KIAA1217: variants seen among roughly 807,000 people sequenced by gnomAD.
KIAA1217 encodes the protein sickle tail protein homolog.
KIAA1217 carries 88 observed loss-of-function variants against 163.9 expected under a neutral mutation model. The ratio of observed to expected loss-of-function variants is 0.54; its 90% CI spans 0.45 to 0.64. KIAA1217 has a LOEUF of 0.64. KIAA1217 is among the 30% of genes least tolerant of loss of function. The pLI is 0.00. For missense variants in KIAA1217, 2,372 were observed against 2,475.0 expected, an observed-to-expected ratio of 0.96 and a Z score of 0.88; for synonymous variants, 903 against 923.1, an observed-to-expected ratio of 0.98 and a Z score of 0.39.
intron 9 of KIAA1217, among the ~76,000 whole-genome samples, chr10:24,503,932 A>G (rs1478131022): frequency 3.3e-5 from 5 of 152,206 alleles, no homozygotes; most frequent in East Asian, 1.9e-4. Flanking sequence ...AAAAGTGAGC[A>G]TTTGTTGGTT....
chr10:24,420,043 T>C (rs2058604717), intron 3 of KIAA1217, among the ~76,000 whole-genome samples: 1 of 151,986 alleles, frequency 6.6e-6, no homozygotes, highest in Admixed American at 6.6e-5. Flanking sequence ...ATGGAACAAG[T>C]GTCCACATGT....
intron 1 of KIAA1217, among the ~76,000 whole-genome samples, chr10:23,805,719 A>G (rs1297490284): frequency 6.6e-6 from 1 of 152,138 alleles, no homozygotes; most frequent in Non-Finnish European, 1.5e-5. Context: ...CACTAACTAT[A>G]AAAGAAAAAT....
chr10:24,217,164 C>T (rs1400480312), intron 1 of KIAA1217, among the ~76,000 whole-genome samples: 1 of 150,718 alleles, frequency 6.6e-6, no homozygotes, highest in Non-Finnish European at 1.5e-5. Context: ...AGGTATTTAT[C>T]AACCTGAGAG....
At chr10:24,158,844 C>T in intron 2 of KIAA1217, 3 of 342,046 alleles carry the variant, frequency 8.8e-6, no homozygotes, top group East Asian at 1.5e-4. Flanking sequence ...CAGAGTGCTG[C>T]TGGTTCCTTC....
intron 1 of KIAA1217, among the ~76,000 whole-genome samples, chr10:23,917,713 A>G (rs1249000288): frequency 6.6e-6 from 1 of 152,216 alleles, no homozygotes; most frequent in Admixed American, 6.5e-5. Flanking sequence ...CCAGCTGTCC[A>G]GACAGCTGTC....
At chr10:24,192,120 T>G (rs1056808380) in intron 2 of KIAA1217, among the ~76,000 whole-genome samples, 2 of 152,200 alleles carry the variant, frequency 1.3e-5, no homozygotes, top group African/African-American at 4.8e-5. Flanking sequence ...GAAAGGAAGA[T>G]CCAAAGAAAG....
intron 1 of KIAA1217, among the ~76,000 whole-genome samples, chr10:23,920,519 A>G (rs917261401): frequency 4.6e-5 from 7 of 152,232 alleles, no homozygotes; most frequent in Admixed American, 3.9e-4. Flanking sequence ...ATCAGATCAC[A>G]TTAGACTTGG....
At chr10:23,990,694 A>G (rs1481298806) in intron 1 of KIAA1217, among the ~76,000 whole-genome samples, 2 of 152,168 alleles carry the variant, frequency 1.3e-5, no homozygotes, top group East Asian at 1.9e-4. Flanking sequence ...TTAAATTACT[A>G]TAGGAAGAGC....
At chr10:24,491,661 C>A (rs1465303554) in intron 6 of KIAA1217, among the ~76,000 whole-genome samples, 1 of 152,128 alleles carries the variant, frequency 6.6e-6, no homozygotes, top group East Asian at 1.9e-4. Context: ...AGACTGGAAG[C>A]AGAAAGAAGG....
chr10:24,174,043 T>G (rs1197853577), intron 2 of KIAA1217, among the ~76,000 whole-genome samples: 1 of 152,212 alleles, frequency 6.6e-6, no homozygotes, highest in Admixed American at 6.5e-5. Flanking sequence ...CTAATTCCAG[T>G]TGATCTCTGT....
chr10:24,167,899 A>C (rs2065432219), intron 2 of KIAA1217, among the ~76,000 whole-genome samples: 1 of 152,184 alleles, frequency 6.6e-6, no homozygotes. Context: ...AAGTGAGTGC[A>C]AGAAACCTCA....
chr10:23,925,435 G>A (rs1589088301), intron 1 of KIAA1217, among the ~76,000 whole-genome samples: 1 of 152,220 alleles, frequency 6.6e-6, no homozygotes, highest in African/African-American at 2.4e-5. Flanking sequence ...TACATACTAA[G>A]TCCTGCCTTC....
chr10:23,893,823 G>C (rs1841537129), intron 1 of KIAA1217, among the ~76,000 whole-genome samples: 2 of 152,054 alleles, frequency 1.3e-5, no homozygotes, highest in African/African-American at 2.4e-5. Context: ...TGGGATGCAA[G>C]GCTGGTTCAA....
At chr10:24,315,455 A>G (rs1407056373) in intron 2 of KIAA1217, among the ~76,000 whole-genome samples, 1 of 152,212 alleles carries the variant, frequency 6.6e-6, no homozygotes, top group Non-Finnish European at 1.5e-5. Flanking sequence ...TTGCACAAAC[A>G]GCAATTTTGT....
chr10:24,264,547 TC>T (rs1224608434), intron 2 of KIAA1217, among the ~76,000 whole-genome samples: 13 of 152,100 alleles, frequency 8.5e-5, no homozygotes, highest in African/African-American at 3.1e-4. Flanking sequence ...CACAGAACAT[TC>T]CAGGAAACCA....
chr10:24,338,943 G>A (rs1591101966), intron 2 of KIAA1217, among the ~76,000 whole-genome samples: 1 of 152,246 alleles, frequency 6.6e-6, no homozygotes, highest in Middle Eastern at 3.4e-3. Context: ...CATGGAGAAG[G>A]AAAATTTCGA....
chr10:23,707,907 T>G (rs1444476936), intron 1 of KIAA1217, among the ~76,000 whole-genome samples: 2 of 152,104 alleles, frequency 1.3e-5, no homozygotes, highest in Non-Finnish European at 2.9e-5. Context: ...TGGAATTGAA[T>G]GAAGGATTTG....
chr10:24,284,287 G>C (rs1401984365), intron 2 of KIAA1217, among the ~76,000 whole-genome samples: 1 of 152,102 alleles, frequency 6.6e-6, no homozygotes, highest in Non-Finnish European at 1.5e-5. Context: ...AGGGTATACT[G>C]TATGATGCTG....
intron 1 of KIAA1217, among the ~76,000 whole-genome samples, chr10:23,963,870 T>A (rs1465348039): frequency 1.3e-5 from 2 of 151,746 alleles, no homozygotes; most frequent in African/African-American, 4.9e-5. Flanking sequence ...TGAACAGTGA[T>A]GATGAGCTTT....
Sources: allele counts gnomAD v4.1 joint callset (sites outside exome capture counted in the v4.1 genomes callset), GRCh38; gene constraint gnomAD v4.1.1; transcripts MANE v1.5; gene names NCBI Gene and HGNC (gene_info 2026-07-23, HGNC 2026-07-21).